The following ZNF469 variants were observed in gnomAD, a reference collection of about 807,000 sequenced individuals.
The protein encoded by ZNF469 is zinc finger protein 469.
Under a neutral mutation model 1.0 loss-of-function variants are expected in ZNF469, and 1 was observed. The ratio of observed to expected loss-of-function variants is 1.00; its 90% CI spans 0.35 to 4.73. The LOEUF is 4.73. ZNF469 is among the 30% of genes most tolerant of loss of function. ZNF469 has a pLI of 0.16. For synonymous variants in ZNF469, 2,703 were observed against 2,363.4 expected, an observed-to-expected ratio of 1.14 and a Z score of -4.17; for missense variants, 6,100 against 5,356.3, an observed-to-expected ratio of 1.14 and a Z score of -4.33.
At chr16:88,281,269 A>T in the ZNF469 span, among the ~76,000 whole-genome samples, 183 of 88,448 alleles carry the variant, frequency 2.1e-3, 21 homozygotes, top group Non-Finnish European at 3.5e-3. Flanking sequence ...GTACCGTGTC[A>T]TTTTGGTGCG....
chr16:88,143,815 T>C, the ZNF469 span, among the ~76,000 whole-genome samples: 2 of 152,166 alleles, frequency 1.3e-5, no homozygotes, highest in Admixed American at 6.5e-5. Flanking sequence ...TCCCAGGCCA[T>C]GCACTGGCTC....
At chr16:88,155,538 G>A in the ZNF469 span, among the ~76,000 whole-genome samples, 3 of 152,196 alleles carry the variant, frequency 2.0e-5, no homozygotes, top group Non-Finnish European at 4.4e-5. Flanking sequence ...AGTTCGGGAT[G>A]TTTCACAGAA....
rs1678844759 is a variant in ZNF469, at chr16:88,437,725, G to A, written c.10255G>A (p.Ala3419Thr). Residue 3419 changes from alanine (A) to threonine (T), a missense_variant, in exon 3 of 3, where the codon GCC becomes ACC. By Grantham distance (58) the Ala-to-Thr change is moderately conservative. Transcript: ENST00000565624. ...TATGCGCATCATCAAGAAGTCCTTC[G>A]CCTGCAGCTCCTGCAACTACACCTT... is the stretch of plus-strand genomic sequence containing the variant. Reference protein sequence around the residue: ...TVMRIIKKSFACSSCNYTFAK... With the variant: ...TVMRIIKKSFTCSSCNYTFAK... The A allele has an allele frequency of 3.2e-6, 5 of 1,549,708 alleles. No individual in the cohort carries two copies. Among genetic ancestry groups the A allele is most frequent in the Middle Eastern group, 1.7e-4 (1 of 6,014 alleles).
chr16:88,256,900 T>TTCTCTCTCTCTC, the ZNF469 span, among the ~76,000 whole-genome samples: 22 of 18,156 alleles, frequency 1.2e-3, no homozygotes, highest in African/African-American at 3.5e-3. Flanking sequence ...CTTTCCTTCT[T>TTCTCTCTCTCTC]TCTTTCTTTC....
chr16:88,169,307 T>G, the ZNF469 span, among the ~76,000 whole-genome samples: 1 of 152,196 alleles, frequency 6.6e-6, no homozygotes, highest in Non-Finnish European at 1.5e-5. This position sits in a 1 kb window ranked among gnomAD's most constrained non-coding sequence, Gnocchi z 6.1. Context: ...CGCGAATGTG[T>G]ACAGTTGTGT....
At chr16:88,177,757 G>C in the ZNF469 span, 2 of 152,336 alleles carry the variant, frequency 1.3e-5, no homozygotes, top group East Asian at 3.9e-4. This position sits in a 1 kb window ranked among gnomAD's most constrained non-coding sequence, Gnocchi z 4.8. Context: ...GCCCAGGCTG[G>C]AGTGCAATGG....
At chr16:88,214,205 C>A in the ZNF469 span, among the ~76,000 whole-genome samples, 12 of 152,250 alleles carry the variant, frequency 7.9e-5, no homozygotes, top group East Asian at 1.2e-3. Context: ...GGATAGGATA[C>A]CCCCCGAAGG....
the ZNF469 span, among the ~76,000 whole-genome samples, chr16:88,110,018 T>G: frequency 1.3e-5 from 2 of 152,346 alleles, no homozygotes; most frequent in Middle Eastern, 3.4e-3. Flanking sequence ...GCAAACAGCC[T>G]CCCAGAAACT....
chr16:88,277,662 C>G, the ZNF469 span, among the ~76,000 whole-genome samples: 1 of 128,316 alleles, frequency 7.8e-6, no homozygotes, highest in Non-Finnish European at 1.7e-5. Context: ...CGCTGACACT[C>G]AGTCAGTACC....
chr16:88,107,231 C>T, the ZNF469 span, among the ~76,000 whole-genome samples: 1 of 152,250 alleles, frequency 6.6e-6, no homozygotes, highest in African/African-American at 2.4e-5. Context: ...CTATAAAGAA[C>T]TGCCCAAGAC....
the ZNF469 span, among the ~76,000 whole-genome samples, chr16:88,306,682 C>T: frequency 2.6e-5 from 4 of 152,146 alleles, no homozygotes; most frequent in Non-Finnish European, 2.9e-5. Flanking sequence ...CCAGGCCAGG[C>T]GTGGACAGGG....
At chr16:88,376,115 C>T in the ZNF469 span, among the ~76,000 whole-genome samples, 755 of 152,372 alleles carry the variant, frequency 5.0e-3, 4 homozygotes, top group African/African-American at 0.017. Context: ...AGAAGGACGC[C>T]GCTGTTCACG....
At chr16:88,138,920 C>T in the ZNF469 span, among the ~76,000 whole-genome samples, 2 of 152,238 alleles carry the variant, frequency 1.3e-5, no homozygotes, top group African/African-American at 4.8e-5. Context: ...CGGCTATTCA[C>T]CATTCGGCTG....
chr16:88,221,255 C>T, the ZNF469 span, among the ~76,000 whole-genome samples: 1 of 152,224 alleles, frequency 6.6e-6, no homozygotes, highest in African/African-American at 2.4e-5. Context: ...TCCTGCTAGC[C>T]GTGGCTTCCT....
the ZNF469 span, among the ~76,000 whole-genome samples, chr16:88,243,949 T>TATATATAAAA: frequency 1.1e-5 from 1 of 94,242 alleles, no homozygotes; most frequent in Non-Finnish European, 2.3e-5. Context: ...TATATATATA[T>TATATATAAAA]ATAAATGTAT....
chr16:88,305,581 GGCACACACGCACACCCTCACACAT>G, the ZNF469 span, among the ~76,000 whole-genome samples: 1 of 114,404 alleles, frequency 8.7e-6, no homozygotes, highest in South Asian at 3.0e-4. Flanking sequence ...CACGCTCACA[GGCACACACGCACACCCTCACACAT>G]GCACACACAC....
chr16:88,167,884 T>C, the ZNF469 span, among the ~76,000 whole-genome samples: 1 of 152,218 alleles, frequency 6.6e-6, no homozygotes, highest in African/African-American at 2.4e-5. Context: ...ATGAGAATAA[T>C]GTTGGCTTCG....
At chr16:88,279,433 T>G in the ZNF469 span, among the ~76,000 whole-genome samples, 2 of 145,728 alleles carry the variant, frequency 1.4e-5, no homozygotes, top group Non-Finnish European at 3.0e-5. Context: ...ACTCGGTCAG[T>G]ACCATGTAGA....
At chr16:88,121,459 C>T in the ZNF469 span, among the ~76,000 whole-genome samples, 1 of 152,202 alleles carries the variant, frequency 6.6e-6, no homozygotes, top group African/African-American at 2.4e-5. Flanking sequence ...GCTCAGTGAA[C>T]TTCCAGAATG....
Sources: allele counts gnomAD v4.1 joint callset (sites outside exome capture counted in the v4.1 genomes callset), GRCh38; gene constraint gnomAD v4.1.1; non-coding constraint Gnocchi (gnomAD v3.1); transcripts MANE v1.5; gene names NCBI Gene and HGNC (gene_info 2026-07-23, HGNC 2026-07-21).